Variants in OPHN1 observed in about 807,000 individuals in gnomAD.
OPHN1 encodes the protein oligophrenin 1.
Under a neutral mutation model 60.7 loss-of-function variants are expected in OPHN1, and 11 were observed. That is an observed-to-expected ratio of 0.18 (90% CI 0.11 to 0.30). The LOEUF (loss-of-function observed/expected upper bound fraction) is 0.30. Among genes scored for constraint, OPHN1 ranks in the 10% least tolerant of loss-of-function variants. The pLI is 1.00. For missense variants in OPHN1, 449 were observed against 611.0 expected, an observed-to-expected ratio of 0.73 and a Z score of 2.80; for synonymous variants, 226 against 222.6, an observed-to-expected ratio of 1.02 and a Z score of -0.14.
intron 19 of OPHN1, among the ~76,000 whole-genome samples, chrX:68,088,664 G>A (rs988027104): frequency 3.6e-5 from 4 of 111,210 alleles, no homozygotes; most frequent in Non-Finnish European, 7.6e-5. Context: ...TGGTGGTATA[G>A]GGCAGGGGCA....
At chrX:68,173,015 T>C (rs769904967) in intron 15 of OPHN1, among the ~76,000 whole-genome samples, 1 of 110,833 alleles carries the variant, frequency 9.0e-6, no homozygotes, top group Non-Finnish European at 1.9e-5. Context: ...CTTGGCCCAT[T>C]GATCCCTTAC....
chrX:68,333,402 C>T (rs374362006), intron 2 of OPHN1, among the ~76,000 whole-genome samples: 1 of 110,603 alleles, frequency 9.0e-6, no homozygotes, highest in African/African-American at 3.3e-5. Context: ...TTTGAGAGGC[C>T]GAGCAGGCAG....
chrX:68,357,335 T>C (rs1338999563), intron 2 of OPHN1, among the ~76,000 whole-genome samples: 2 of 111,520 alleles, frequency 1.8e-5, no homozygotes, highest in African/African-American at 3.3e-5. Flanking sequence ...ATGTGCCATG[T>C]TGGTGTGCTG....
chrX:68,368,710 C>A (rs1265480958), intron 2 of OPHN1, among the ~76,000 whole-genome samples: 1 of 111,653 alleles, frequency 9.0e-6, no homozygotes, highest in Non-Finnish European at 1.9e-5. Flanking sequence ...CACACACAAC[C>A]AATCAGGAAA....
At chrX:68,342,132 G>A (rs1359301469) in intron 2 of OPHN1, among the ~76,000 whole-genome samples, 2 of 108,589 alleles carry the variant, frequency 1.8e-5, no homozygotes, top group Non-Finnish European at 3.8e-5. Flanking sequence ...ACCATGCCCG[G>A]CTGATTTTTC....
chrX:68,415,106 G>C (rs1300615543), intron 2 of OPHN1, among the ~76,000 whole-genome samples: 1 of 111,244 alleles, frequency 9.0e-6, no homozygotes, highest in Non-Finnish European at 1.9e-5. Context: ...AGGTGGCTAG[G>C]AAGCAGAGGA....
At chrX:68,158,910 A>C (rs1306832701) in intron 15 of OPHN1, among the ~76,000 whole-genome samples, 2 of 111,863 alleles carry the variant, frequency 1.8e-5, no homozygotes, top group African/African-American at 6.5e-5. Flanking sequence ...CTAGGCCCCA[A>C]TCAGCCCTGC....
At chrX:68,206,158 G>T (rs771140377) in intron 10 of OPHN1, among the ~76,000 whole-genome samples, 1 of 111,527 alleles carries the variant, frequency 9.0e-6, no homozygotes, top group East Asian at 2.8e-4. Flanking sequence ...TACATAGAAT[G>T]TGAGTATCGG....
At chrX:68,385,218 T>C (rs1723904779) in intron 2 of OPHN1, among the ~76,000 whole-genome samples, 1 of 110,973 alleles carries the variant, frequency 9.0e-6, no homozygotes, top group Admixed American at 9.7e-5. Context: ...CCCTCTGAAA[T>C]AGGAAGGGTT....
chrX:68,290,605 AAAAG>A (rs2078066343), intron 3 of OPHN1, among the ~76,000 whole-genome samples: 5 of 108,889 alleles, frequency 4.6e-5, no homozygotes, highest in South Asian at 8.1e-4. Flanking sequence ...TCTCAAAAAA[AAAAG>A]AAAGAAAGGG....
At chrX:68,233,869 A>T (rs973508032) in intron 6 of OPHN1, among the ~76,000 whole-genome samples, 1 of 111,258 alleles carries the variant, frequency 9.0e-6, no homozygotes. Context: ...ATGTAAAAAA[A>T]ATCTATTTGT....
chrX:68,209,503 C>T (rs1156658418), intron 9 of OPHN1, among the ~76,000 whole-genome samples: 1 of 111,498 alleles, frequency 9.0e-6, no homozygotes, highest in African/African-American at 3.3e-5. Flanking sequence ...GAGTATGAGG[C>T]TGTAGTGAGC....
intron 10 of OPHN1, among the ~76,000 whole-genome samples, chrX:68,205,633 C>T (rs1490608659): frequency 9.0e-6 from 1 of 111,104 alleles, no homozygotes; most frequent in East Asian, 2.8e-4. Flanking sequence ...AAGCACATTT[C>T]CATCCTCTCT....
At chrX:68,067,388 T>C (rs1486836642) in intron 20 of OPHN1, among the ~76,000 whole-genome samples, 1 of 110,686 alleles carries the variant, frequency 9.0e-6, no homozygotes, top group Non-Finnish European at 1.9e-5. Flanking sequence ...GGTGAGGTTG[T>C]TGCAATAAGT....
intron 2 of OPHN1, among the ~76,000 whole-genome samples, chrX:68,333,987 T>G (rs2078309672): frequency 1.9e-5 from 2 of 105,442 alleles, no homozygotes; most frequent in Non-Finnish European, 3.9e-5. Context: ...AACCTCTGCC[T>G]CCCGGGATCA....
At chrX:68,386,061 C>T (rs1267968408) in intron 2 of OPHN1, among the ~76,000 whole-genome samples, 1 of 112,117 alleles carries the variant, frequency 8.9e-6, no homozygotes, top group African/African-American at 3.2e-5. Context: ...CACCAATCTG[C>T]ATTATTTATT....
intron 15 of OPHN1, among the ~76,000 whole-genome samples, chrX:68,168,721 T>G (rs1351692340): frequency 1.8e-5 from 2 of 112,325 alleles, no homozygotes; most frequent in African/African-American, 6.5e-5. Flanking sequence ...AGGAGCTGGT[T>G]TTTTGAAAGG....
intron 2 of OPHN1, among the ~76,000 whole-genome samples, chrX:68,317,097 G>A (rs1009302073): frequency 6.5e-5 from 7 of 108,425 alleles, no homozygotes; most frequent in African/African-American, 1.3e-4. Flanking sequence ...CCAGGAGCTC[G>A]AGAAAGGCCT....
Position 68,409,731 on chromosome X carries a change from T to C in OPHN1, c.154+23136A>G, listed in dbSNP as rs149591590. 6.6e-3 allele frequency among the ~76,000 whole-genome samples: 743 copies of C among 112,351 alleles called. 7 individuals are homozygous for C. Among genetic ancestry groups the C allele is most frequent in the African/African-American group, 0.023 (716 of 30,973 alleles). On this transcript the variant is annotated intron_variant, in intron 2 of 24. Transcript: ENST00000355520. ...AAGGATATGTGAATACACTTTTCTT[T>C]TTTAAGCAAGTCTAAAAAACCAGAA... is the stretch of plus-strand genomic sequence containing the variant.
Sources: allele counts gnomAD v4.1 joint callset (sites outside exome capture counted in the v4.1 genomes callset), GRCh38; gene constraint gnomAD v4.1.1; transcripts MANE v1.5; gene names NCBI Gene and HGNC (gene_info 2026-07-23, HGNC 2026-07-21).